The following NBAS variants were observed in gnomAD, a reference collection of about 807,000 sequenced individuals.
The protein encoded by NBAS is NAG/BC035112 fusion.
NBAS carries 219 observed loss-of-function variants against 302.5 expected under a neutral mutation model. The observed-to-expected ratio is 0.72, with a 90% CI of 0.65 to 0.81. The LOEUF is 0.81. NBAS is among the 30% of genes least tolerant of loss of function. The probability of loss-of-function intolerance (pLI) is 0.00; values close to 1 mark genes in which losing one functional copy is unlikely to be tolerated. For missense variants in NBAS, 2,932 were observed against 2,841.6 expected (o/e 1.03, Z -0.72); for synonymous variants, 1,118 against 1,021.6 (o/e 1.09, Z -1.80).
intron 34 of NBAS, 68 bp from the exon 35 acceptor site, chr2:15,352,149 G>T (rs966109388): frequency 1.8e-6 from 2 of 1,092,940 alleles, no homozygotes; most frequent in Middle Eastern, 2.0e-4. Flanking sequence ...CACAATATAG[G>T]CTTGAAATTT....
the NBAS span, among the ~76,000 whole-genome samples, chr2:15,045,622 A>G: frequency 7.5e-4 from 115 of 152,320 alleles, 1 homozygote; most frequent in African/African-American, 2.6e-3. Context: ...GTCAACAAAC[A>G]CTTAGGTTGT....
intron 48 of NBAS, among the ~76,000 whole-genome samples, chr2:15,201,024 T>C (rs933928871): frequency 7.2e-5 from 11 of 152,224 alleles, no homozygotes; most frequent in African/African-American, 2.4e-4. Context: ...AGAGAATTAT[T>C]CCTGGCAGTA....
the NBAS span, among the ~76,000 whole-genome samples, chr2:14,884,077 G>T: frequency 6.6e-6 from 1 of 152,082 alleles, no homozygotes; most frequent in Non-Finnish European, 1.5e-5. Flanking sequence ...GGTTACTGGG[G>T]GGACTCTTGG....
the NBAS span, among the ~76,000 whole-genome samples, chr2:14,816,437 G>A: frequency 2.0e-5 from 3 of 152,202 alleles, no homozygotes; most frequent in South Asian, 6.2e-4. Context: ...GCTGTCTGTG[G>A]AAAAATTGTC....
intron 44 of NBAS, among the ~76,000 whole-genome samples, chr2:15,267,475 A>G (rs947509797): frequency 1.2e-4 from 18 of 152,254 alleles, no homozygotes; most frequent in African/African-American, 3.9e-4. Context: ...TGAGTTCAGT[A>G]TGATTATAGA....
the NBAS span, among the ~76,000 whole-genome samples, chr2:14,981,233 G>A: frequency 2.9e-4 from 44 of 152,166 alleles, no homozygotes; most frequent in Non-Finnish European, 5.3e-4. Flanking sequence ...AGGGATTAGT[G>A]TATGATCTTC....
intron 32 of NBAS, among the ~76,000 whole-genome samples, chr2:15,360,548 C>G (rs1001207473): frequency 6.6e-6 from 1 of 150,852 alleles, no homozygotes; most frequent in Admixed American, 6.6e-5. Context: ...CAGGATTTCA[C>G]TATGTTTCTC....
chr2:15,063,700 C>T, the NBAS span, among the ~76,000 whole-genome samples: 2 of 152,176 alleles, frequency 1.3e-5, no homozygotes, highest in East Asian at 1.9e-4. Flanking sequence ...AAAGAGGCAT[C>T]GAGAATGTGC....
chr2:15,276,358 T>G lies in NBAS; in HGVS notation c.5389+493A>C, dbSNP rs1669583356. On this transcript the variant is annotated intron_variant, in intron 43 of 51. Transcript: ENST00000281513. ...CCTTGCAAATTATGAAGTATAAAAA[T>G]TAAGAGGTCTTAAAGTGTTTAATTT... 2.0e-5 allele frequency among the ~76,000 whole-genome samples: 3 copies of G among 152,166 alleles called. 1 individual carries two copies. The South Asian group carries it at 6.2e-4, about 32-fold the overall frequency.
the NBAS span, among the ~76,000 whole-genome samples, chr2:14,821,552 G>A: frequency 3.2e-3 from 483 of 152,062 alleles, 2 homozygotes; most frequent in African/African-American, 0.011. Flanking sequence ...TATTTTCCCC[G>A]GACTAGAACT....
At chr2:15,251,635 T>C (rs1190013674) in intron 44 of NBAS, among the ~76,000 whole-genome samples, 2 of 152,152 alleles carry the variant, frequency 1.3e-5, no homozygotes, top group Non-Finnish European at 2.9e-5. Context: ...CCTTTTTAGA[T>C]CATATAGGAT....
At chr2:14,968,741 T>A in the NBAS span, among the ~76,000 whole-genome samples, 1 of 152,246 alleles carries the variant, frequency 6.6e-6, no homozygotes, top group Non-Finnish European at 1.5e-5. Flanking sequence ...CTTATATTGC[T>A]ATGACAATGT....
At chr2:15,556,481 G>C (rs951653234) in intron 3 of NBAS, among the ~76,000 whole-genome samples, 1 of 152,130 alleles carries the variant, frequency 6.6e-6, no homozygotes, top group Non-Finnish European at 1.5e-5. Context: ...TATTTTAAAA[G>C]ATATGCAGGC....
the NBAS span, among the ~76,000 whole-genome samples, chr2:14,892,333 A>T: frequency 6.6e-6 from 1 of 152,200 alleles, no homozygotes. Context: ...GGTCACATCA[A>T]GAAAATGTTG....
intron 27 of NBAS, among the ~76,000 whole-genome samples, chr2:15,395,725 A>G (rs1393743392): frequency 6.6e-6 from 1 of 152,112 alleles, no homozygotes; most frequent in Non-Finnish European, 1.5e-5. Flanking sequence ...CTACAATTAT[A>G]TATTGGAAGA....
chr2:15,077,070 G>A, the NBAS span, among the ~76,000 whole-genome samples: 4 of 152,282 alleles, frequency 2.6e-5, no homozygotes, highest in African/African-American at 9.6e-5. Flanking sequence ...AGAACTACCT[G>A]AGACTGGGTC....
At chr2:15,430,415 A>G (rs907479372) in intron 21 of NBAS, among the ~76,000 whole-genome samples, 4 of 152,234 alleles carry the variant, frequency 2.6e-5, no homozygotes, top group African/African-American at 7.2e-5. Context: ...TACTACTACT[A>G]CTGCTGCTGT....
At chr2:15,044,792 C>A in the NBAS span, among the ~76,000 whole-genome samples, 1 of 152,338 alleles carries the variant, frequency 6.6e-6, no homozygotes. Flanking sequence ...GTTACCCTAG[C>A]TTTCATGCCT....
At chr2:15,486,886 G>C (rs1267319528) in intron 12 of NBAS, among the ~76,000 whole-genome samples, 4 of 150,000 alleles carry the variant, frequency 2.7e-5, no homozygotes, top group Non-Finnish European at 4.4e-5. Context: ...TCCAATAAGG[G>C]CCACAAAAAA....
Sources: gnomAD v4.1 joint callset for allele counts (sites outside exome capture counted in the v4.1 genomes callset) on GRCh38, gnomAD v4.1.1 for gene constraint, MANE v1.5 for transcripts, NCBI Gene and HGNC (gene_info 2026-07-23, HGNC 2026-07-21) for gene names.